Variants in MTR observed in about 807,000 individuals in gnomAD.
MTR encodes methionine synthase.
MTR carries 84 observed loss-of-function variants against 154.8 expected under a neutral mutation model. The observed-to-expected ratio is 0.54, with a 90% confidence interval of 0.45 to 0.65. The LOEUF is 0.65. Among genes scored for constraint, MTR ranks in the 30% least tolerant of loss-of-function variants. MTR has a pLI of 0.00. For synonymous variants in MTR, 554 were observed against 553.9 expected (o/e 1.00, Z 0.00); for missense variants, 1,275 against 1,570.2 (o/e 0.81, Z 3.18).
At chr1:236,836,237 C>T (rs932903444) in intron 14 of MTR, among the ~76,000 whole-genome samples, 11 of 151,630 alleles carry the variant, frequency 7.3e-5, no homozygotes, top group African/African-American at 1.7e-4. Context: ...GTTTTTCTGC[C>T]GTTAAGTTTG....
Position 236,891,224 on chromosome 1 carries a change from G to C in MTR, c.3099G>C (p.Gly1033=), listed in dbSNP as rs770345533. The change falls in exon 29 of 33, where the codon GGG becomes GGC. Residue 1033 remains glycine, a synonymous_variant. Transcript: ENST00000366577. ...QKKLRARGVV[G]FWPAQSIQDD... ...AACTCCGGGCCCGGGGTGTGGTTGG[G>C]TTCTGGCCAGCACAGAGTATCCAAG... 6.2e-7 allele frequency: 1 copy of C among 1,614,148 alleles called. No homozygotes were observed. Among genetic ancestry groups the C allele is most frequent in the South Asian group, 1.1e-5 (1 of 91,076 alleles).
chr1:236,880,632 C>T, intron 24 of MTR, 123 bp from the exon 25 acceptor site: 1 of 815,900 alleles, frequency 1.2e-6, no homozygotes. Flanking sequence ...TGTAGGTAAG[C>T]ACCTTGAAAT....
In MTR at chr1:236,861,115, T is replaced by TTA; in HGVS notation, c.2044-10_2044-9insTA. On this transcript the variant is annotated splice_polypyrimidine_tract_variant and intron_variant, in intron 19 of 32. Transcript: ENST00000366577. The stretch of plus-strand genomic sequence containing the variant: ...TCTTTTTCTTTTTTTTTTTTTTTTG[T>TTA]CTTTTTTAGGGCATTGAAAAACATA... The TTA allele has an allele frequency of 6.7e-7, 1 of 1,496,932 alleles. No homozygotes were observed. Among genetic ancestry groups the TTA allele is most frequent in the Non-Finnish European group, 8.9e-7 (1 of 1,118,954 alleles). 92.7% of individuals were successfully genotyped at this position (1,496,932 alleles called of 1,614,324 possible). A position where few individuals can be genotyped will look rare whatever the true frequency, so the allele number is the denominator to read the frequency against.
intron 15 of MTR, among the ~76,000 whole-genome samples, chr1:236,840,093 TTC>T (rs373777891): frequency 3.3e-5 from 5 of 152,330 alleles, no homozygotes; most frequent in African/African-American, 1.2e-4. Flanking sequence ...TACTTTTTCT[TTC>T]TGTCTTTGTT....
chr1:236,883,234 G>GT (rs1665846969), intron 25 of MTR, among the ~76,000 whole-genome samples: 1 of 152,196 alleles, frequency 6.6e-6, no homozygotes, highest in African/African-American at 2.4e-5. Flanking sequence ...ATATGTCCCA[G>GT]TGGTTGGCAT....
intron 2 of MTR, among the ~76,000 whole-genome samples, chr1:236,805,813 G>A (rs987161838): frequency 5.3e-5 from 8 of 152,102 alleles, no homozygotes; most frequent in Admixed American, 2.0e-4. Context: ...GTTACCTTAT[G>A]TTAGCATATA....
chr1:236,860,701 A>G (rs1664484971), intron 19 of MTR, among the ~76,000 whole-genome samples: 1 of 152,232 alleles, frequency 6.6e-6, no homozygotes, highest in Non-Finnish European at 1.5e-5. Flanking sequence ...ACACGAAGAT[A>G]CAAAATGGAT....
rs934323126 is a variant in MTR at position 236,810,540 on chromosome 1, T to A, written c.447T>A (p.Thr149=). The part of the protein sequence containing the change: ...KRFVAGALGP[T]NKTLSVSPSV... ...TTGTGGCAGGGGCTCTGGGTCCGAC[T>A]AATAAGACACTCTCTGTGTCCCCAT... The change falls in exon 5 of 33, where the codon ACT becomes ACA. Residue 149 remains threonine (T), a synonymous_variant. Coordinates refer to ENST00000366577, the MANE Select transcript of MTR (RefSeq NM_000254.3). 3 of 1,613,756 alleles carry A rather than the reference T, an allele frequency of 1.9e-6. No homozygotes were observed. The East Asian group carries it at 6.7e-5, about 36-fold the overall frequency.
chr1:236,838,453 G>C lies in MTR; in HGVS notation c.1369G>C (p.Glu457Gln). Residue 457 changes from glutamate to glutamine, a missense_variant, in exon 15 of 33, where the codon GAA (glutamate) becomes CAA (glutamine). Coordinates refer to ENST00000366577, the MANE Select transcript of MTR (RefSeq NM_000254.3). ...CGACTCCTCCAATTTTGCTGTGATT[G>C]AAGCTGGGTTAAAGTGCTGCCAAGG... Reference protein sequence around the residue: ...CIDSSNFAVIEAGLKCCQGKC... With the variant: ...CIDSSNFAVIQAGLKCCQGKC... The C allele has an allele frequency of 6.2e-7, 1 of 1,614,118 alleles. No homozygotes were observed. Among genetic ancestry groups the C allele is most frequent in the Non-Finnish European group, 8.5e-7 (1 of 1,180,008 alleles).
At chr1:236,858,060 G>A (rs912442099) in intron 18 of MTR, among the ~76,000 whole-genome samples, 1 of 152,182 alleles carries the variant, frequency 6.6e-6, no homozygotes, top group Non-Finnish European at 1.5e-5. Context: ...GAACAGAAGT[G>A]TTCTGGATGG....
intron 25 of MTR, among the ~76,000 whole-genome samples, chr1:236,883,630 T>C (rs915540775): frequency 2.6e-5 from 4 of 152,156 alleles, no homozygotes; most frequent in Admixed American, 6.6e-5. Flanking sequence ...GAGGACTCCA[T>C]TGAGGTGAGT....
intron 24 of MTR, 40 bp downstream of exon 24, chr1:236,874,886 T>C: frequency 1.2e-6 from 2 of 1,608,572 alleles, no homozygotes; most frequent in Non-Finnish European, 1.7e-6. Flanking sequence ...CTTCAAATTT[T>C]CTTATATGCC....
Position 236,891,344 on chromosome 1 carries a change from C to T in MTR, c.3204+15C>T. The stretch of plus-strand genomic sequence containing the variant: ...TAAGGCAACAGGTATGGAAGGTGTA[C>T]TGACAGCCAGCACACCGCTTTCGCT... On this transcript the variant is annotated intron_variant, in intron 29 of 32. Coordinates refer to ENST00000366577, the MANE Select transcript of MTR (RefSeq NM_000254.3). 1 of 1,612,352 alleles carries T rather than the reference C, an allele frequency of 6.2e-7. No individual in the cohort carries two copies. The highest frequency in any genetic ancestry group is 8.5e-7 in the Non-Finnish European group (1 of 1,178,698).
chr1:236,887,160 A>G (rs1264628243), intron 27 of MTR, among the ~76,000 whole-genome samples: 1 of 152,246 alleles, frequency 6.6e-6, no homozygotes, highest in African/African-American at 2.4e-5. Context: ...AATGTATCAA[A>G]TCAGCTTTCA....
Position 236,853,011 on chromosome 1 carries a change from G to C in MTR, c.1876G>C (p.Glu626Gln). The C allele has an allele frequency of 6.2e-7, 1 of 1,614,006 alleles. No homozygotes were observed. Among genetic ancestry groups the C allele is most frequent in the Non-Finnish European group, 8.5e-7 (1 of 1,179,940 alleles). The stretch of plus-strand genomic sequence containing the variant: ...CCCTGTGTATGATGATATCCATAAG[G>C]AACTTCTGCAGCTCTGTGAAGATCT... ...NLPVYDDIHKELLQLCEDLIW... is the reference protein window; with the variant it reads ...NLPVYDDIHKQLLQLCEDLIW... The change falls in exon 18 of 33, where the codon GAA (glutamate) becomes CAA (glutamine). Residue 626 changes from glutamate to glutamine, a missense_variant. Coordinates refer to ENST00000366577, the MANE Select transcript of MTR (RefSeq NM_000254.3).
chr1:236,861,457 G>T (rs1664540201), intron 20 of MTR, among the ~76,000 whole-genome samples, 180 bp downstream of exon 20: 3 of 152,160 alleles, frequency 2.0e-5, no homozygotes, highest in Admixed American at 1.3e-4. Context: ...CTTCAGAGTG[G>T]TGTGGATGTT....
At position 236,799,034 on chromosome 1, in the gene MTR, G is replaced by A. The variant is rs533527779; in HGVS notation, c.34+3297G>A. 5.3e-5 allele frequency among the ~76,000 whole-genome samples: 8 copies of A among 152,204 alleles called. No individual in the cohort carries two copies. In the South Asian group the frequency reaches 1.7e-3, roughly 31 times the overall value. On this transcript the variant is annotated intron_variant, in intron 1 of 32. Transcript: ENST00000366577. ...AACACTTAATACCAACAGATTTTCT[G>A]AAGGAAGACTTCTTAGTTTCTCTAA...
rs191470444 is a variant in MTR at position 236,870,617 on chromosome 1, C to T, written c.2406-3156C>T. ...TGGGGTGGGCTGAAGTCGTCTCATT[C>T]GTTTTGTGACTTCAGTATCATCTGA... is the stretch of plus-strand genomic sequence containing the variant. On this transcript the variant is annotated intron_variant, in intron 22 of 32. Coordinates refer to ENST00000366577, the MANE Select transcript of MTR (RefSeq NM_000254.3). 9.2e-5 allele frequency among the ~76,000 whole-genome samples: 14 copies of T among 152,254 alleles called. No individual in the cohort carries two copies. The East Asian group carries it at 2.3e-3, about 25-fold the overall frequency.
chr1:236,865,787 TTTTC>T (rs1036836754), intron 22 of MTR, among the ~76,000 whole-genome samples: 5 of 152,198 alleles, frequency 3.3e-5, no homozygotes, highest in African/African-American at 1.2e-4. Flanking sequence ...ACTGATTTTT[TTTTC>T]TTTGTCACCT....
Sources: gnomAD v4.1 joint callset for allele counts (sites outside exome capture counted in the v4.1 genomes callset) on GRCh38, gnomAD v4.1.1 for gene constraint, MANE v1.5 for transcripts, NCBI Gene and HGNC (gene_info 2026-07-23, HGNC 2026-07-21) for gene names.